ADAM9: variants seen among roughly 807,000 people sequenced by gnomAD.
ADAM9 encodes the protein ADAM metallopeptidase domain 9.
A neutral mutation model predicts 108.1 loss-of-function variants in ADAM9; 54 were observed. The observed-to-expected ratio is 0.50, with a 90% CI of 0.40 to 0.63. The LOEUF (loss-of-function observed/expected upper bound fraction) is 0.63. ADAM9 is among the 20% of genes least tolerant of loss of function. The pLI, the probability that ADAM9 is intolerant of heterozygous loss-of-function variation, is 0.00. For missense variants in ADAM9, 830 were observed against 997.7 expected, an observed-to-expected ratio of 0.83 and a Z score of 2.26; for synonymous variants, 316 against 336.0, an observed-to-expected ratio of 0.94 and a Z score of 0.65.
At chr8:39,077,185 T>C in intron 15 of ADAM9, 43 bp from the exon 16 acceptor site, 1 of 1,605,152 alleles carries the variant, frequency 6.2e-7, no homozygotes, top group Non-Finnish European at 8.5e-7. Flanking sequence ...TTGTTATGTA[T>C]ACTGGATGCA....
At chr8:39,099,880 T>C (rs1249411233) in intron 20 of ADAM9, among the ~76,000 whole-genome samples, 1 of 84,676 alleles carries the variant, frequency 1.2e-5, no homozygotes, top group Non-Finnish European at 3.0e-5. Flanking sequence ...TGTTTGTTTT[T>C]TTTTTTTTTT....
intron 12 of ADAM9, among the ~76,000 whole-genome samples, chr8:39,047,261 A>G (rs745971313): frequency 2.0e-5 from 3 of 152,150 alleles, no homozygotes; most frequent in Non-Finnish European, 4.4e-5. Context: ...GTAGTTTTCT[A>G]TATTTGGCAT....
chr8:39,102,535 G>A lies in ADAM9; in HGVS notation c.2366+605G>A, dbSNP rs546194838. On this transcript the variant is annotated intron_variant, in intron 21 of 21. Coordinates refer to ENST00000487273, the MANE Select transcript of ADAM9 (RefSeq NM_003816.3). ...GGCAAACATCTCAGGGTCTGTGCTG[G>A]GACCCAGAAGTAAGAGTGAACTAGA... 5.9e-5 allele frequency among the ~76,000 whole-genome samples: 9 copies of A among 152,162 alleles called. No homozygotes were observed. In the East Asian group the frequency reaches 1.5e-3, roughly 26 times the overall value.
At chr8:38,997,846 G>A (rs1835871243) in intron 1 of ADAM9, among the ~76,000 whole-genome samples, 1 of 152,238 alleles carries the variant, frequency 6.6e-6, no homozygotes, top group South Asian at 2.1e-4. Context: ...AATCCGGACA[G>A]ATAATCCCTG....
intron 2 of ADAM9, 137 bp downstream of exon 2, chr8:39,008,120 T>C: frequency 1.5e-6 from 1 of 665,296 alleles, no homozygotes; most frequent in South Asian, 1.7e-5. Context: ...CATATGGTAC[T>C]GATGTCCCCT....
chr8:39,033,767 T>C (rs562584864), intron 11 of ADAM9, among the ~76,000 whole-genome samples: 2 of 152,292 alleles, frequency 1.3e-5, no homozygotes, highest in East Asian at 3.9e-4. Context: ...ATGGAAAGAA[T>C]GTGTTTTAGA....
At chr8:39,038,960 G>GTT (rs34537427) in intron 11 of ADAM9, among the ~76,000 whole-genome samples, 29 of 150,940 alleles carry the variant, frequency 1.9e-4, no homozygotes, top group African/African-American at 6.3e-4. Flanking sequence ...TACTTTTTTT[G>GTT]TTTTTTTTGG....
chr8:39,009,964 A>AAACAACCC (rs1554572507), intron 2 of ADAM9, among the ~76,000 whole-genome samples: 36 of 106,560 alleles, frequency 3.4e-4, no homozygotes, highest in South Asian at 3.9e-4. Flanking sequence ...ACAAAAACAA[A>AAACAACCC]CCCCCCCCCC....
At position 39,023,311 on chromosome 8, in the gene ADAM9, T is replaced by C. The variant is rs903143244; in HGVS notation, c.900T>C (p.Ser300=). 3.1e-6 allele frequency: 5 copies of C among 1,612,282 alleles called. No homozygotes were observed. Among genetic ancestry groups the C allele is most frequent in the Admixed American group, 3.3e-5 (2 of 59,942 alleles). The change falls in exon 9 of 22, where the codon AGT becomes AGC. Residue 300 remains serine (S), a synonymous_variant. Transcript: ENST00000487273. ...TTATCACACGTCGGAGACATGACAG[T>C]GCACAGCTAGTTCTGTAAGTATTTT... ...KFLITRRRHD[S]AQLVLKKGFG...
At position 39,080,087 on chromosome 8, in the gene ADAM9, T is replaced by A. The variant is rs1838973206; in HGVS notation, c.1882-2554T>A. On this transcript the variant is annotated intron_variant, in intron 16 of 21. Coordinates refer to ENST00000487273, the MANE Select transcript of ADAM9 (RefSeq NM_003816.3). ...TTTCTACTTTATCTTCCTCTTGCAG[T>A]ATTACACAAATTATTTATTTGTGTG... Among the ~76,000 whole-genome samples the A allele has an allele frequency of 2.0e-5, 3 of 152,238 alleles. No homozygotes were observed. In the South Asian group the frequency reaches 6.2e-4, roughly 32 times the overall value.
At chr8:39,056,026 C>T (rs1207160676) in intron 14 of ADAM9, among the ~76,000 whole-genome samples, 3 of 151,876 alleles carry the variant, frequency 2.0e-5, no homozygotes, top group Non-Finnish European at 2.9e-5. Context: ...TATATAGTAT[C>T]TAGTTTTAAT....
At chr8:39,038,107 C>A (rs983080139) in intron 11 of ADAM9, among the ~76,000 whole-genome samples, 11 of 152,216 alleles carry the variant, frequency 7.2e-5, no homozygotes, top group Admixed American at 4.6e-4. Context: ...TTTGGTCCAT[C>A]ATCATCTGTT....
chr8:39,039,113 C>G (rs1837375324), intron 11 of ADAM9, among the ~76,000 whole-genome samples: 2 of 151,912 alleles, frequency 1.3e-5, no homozygotes. Context: ...AAATATGTTT[C>G]TTAGAGTTCC....
In ADAM9 at chr8:39,082,991, T is replaced by A. The variant is rs1839069508; in HGVS notation, c.1986T>A (p.Cys662Ter). ...AGGTATGTAATAGCAATAAGAATTGTCACTGTGAAAATGGCTGGGCTCCCC... is the reference window on the plus strand; with the variant it reads ...AGGTATGTAATAGCAATAAGAATTGACACTGTGAAAATGGCTGGGCTCCCC... ...GHGVCNSNKN[C>*]HCENGWAPPN... Residue 662 changes from cysteine (C) to a stop codon, truncating the protein, a stop_gained, in exon 18 of 22, where the codon TGT (cysteine) becomes TGA (stop). Transcript: ENST00000487273. LOFTEE classifies it high-confidence loss of function. 1 of 1,613,752 alleles carries A rather than the reference T, an allele frequency of 6.2e-7. No individual in the cohort carries two copies. The highest frequency in any genetic ancestry group is 1.7e-5 in the Admixed American group (1 of 59,990).
At chr8:39,059,411 A>C (rs776319823) in intron 14 of ADAM9, among the ~76,000 whole-genome samples, 6 of 46,422 alleles carry the variant, frequency 1.3e-4, no homozygotes, top group Admixed American at 2.9e-4. Context: ...GAATTTGGGC[A>C]CTTAGCAGCA....
At chr8:39,075,140 C>T (rs1838814682) in intron 15 of ADAM9, among the ~76,000 whole-genome samples, 1 of 152,040 alleles carries the variant, frequency 6.6e-6, no homozygotes, top group African/African-American at 2.4e-5. Flanking sequence ...TTCCTGACCT[C>T]AAATGATCCG....
rs539217477 is a variant in ADAM9, at chr8:39,055,969, G to C, written c.1591+197G>C. 2.6e-5 allele frequency among the ~76,000 whole-genome samples: 4 copies of C among 151,912 alleles called. No individual in the cohort carries two copies. The East Asian group carries it at 5.8e-4, about 22-fold the overall frequency. On this transcript the variant is annotated intron_variant, in intron 14 of 21. Transcript: ENST00000487273. The stretch of plus-strand genomic sequence containing the variant: ...CAGTTGATGTTTTCTTATTTTTACT[G>C]TCTATATCTTTTTATATTTTGTGTA...
In ADAM9 at chr8:39,090,030, A is replaced by G. The variant is rs750662854; in HGVS notation, c.2069-17A>G. 1 of 1,613,296 alleles carries G rather than the reference A, an allele frequency of 6.2e-7. No individual in the cohort carries two copies. Among genetic ancestry groups the G allele is most frequent in the Non-Finnish European group, 8.5e-7 (1 of 1,179,590 alleles). ...GTATGAGTTTGGTGACTGTTGATGT[A>G]AAATTCTTCTCTCTAGAAATGAATA... is the stretch of plus-strand genomic sequence containing the variant. On this transcript the variant is annotated splice_polypyrimidine_tract_variant and intron_variant, in intron 18 of 21. Coordinates refer to ENST00000487273, the MANE Select transcript of ADAM9 (RefSeq NM_003816.3).
chr8:39,015,330 G>A (rs963022854), intron 4 of ADAM9: 1 of 152,128 alleles, frequency 6.6e-6, no homozygotes, highest in East Asian at 1.9e-4. Context: ...GTTATTATTT[G>A]TTGCTATTAT....
Sources: gnomAD v4.1 joint callset for allele counts (sites outside exome capture counted in the v4.1 genomes callset) on GRCh38, gnomAD v4.1.1 for gene constraint, MANE v1.5 for transcripts, NCBI Gene and HGNC (gene_info 2026-07-23, HGNC 2026-07-21) for gene names.